GTF3C5: variants seen among roughly 807,000 people sequenced by gnomAD.
The protein encoded by GTF3C5 is general transcription factor 3C polypeptide 5.
GTF3C5 carries 47 observed loss-of-function variants against 61.0 expected under a neutral mutation model. That is an observed-to-expected ratio of 0.77 (90% CI 0.61 to 0.98). The LOEUF is 0.98. Among genes scored for constraint, GTF3C5 ranks in the 50% least tolerant of loss-of-function variants. GTF3C5 has a pLI of 0.00. For missense variants in GTF3C5, 659 were observed against 703.3 expected (o/e 0.94, Z 0.71); for synonymous variants, 295 against 275.4 (o/e 1.07, Z -0.71).
At chr9:133,055,113 A>G (rs1368253061) in intron 8 of GTF3C5, 18 of 1,549,870 alleles carry the variant, frequency 1.2e-5, no homozygotes, top group Non-Finnish European at 1.6e-5. Context: ...CCACTGAGCC[A>G]CGTGACCACT....
At chr9:133,056,276 A>G (rs1207455802) in intron 9 of GTF3C5, among the ~76,000 whole-genome samples, 182 bp downstream of exon 9, 3 of 152,176 alleles carry the variant, frequency 2.0e-5, no homozygotes, top group Non-Finnish European at 4.4e-5. Context: ...GCGGTGCCCT[A>G]TAGAAAGCCG....
chr9:133,054,945 TCAGC>T, intron 8 of GTF3C5, 136 bp downstream of exon 8: 1 of 1,550,694 alleles, frequency 6.4e-7, no homozygotes, highest in Non-Finnish European at 8.7e-7. Flanking sequence ...TCCTTTTAGG[TCAGC>T]CTTCAGACAC....
intron 3 of GTF3C5, among the ~76,000 whole-genome samples, chr9:133,047,565 A>G (rs904405907): frequency 3.3e-5 from 5 of 150,326 alleles, no homozygotes; most frequent in Admixed American, 2.7e-4. Context: ...CTTGTCACCC[A>G]GGCTGGAATG....
At chr9:133,048,429 G>A (rs763420498) in intron 3 of GTF3C5, among the ~76,000 whole-genome samples, 1 of 151,672 alleles carries the variant, frequency 6.6e-6, no homozygotes, top group Non-Finnish European at 1.5e-5. Context: ...CCCGCGAGGC[G>A]GAGCTTGCAG....
At chr9:133,055,631 G>A (rs1386424890) in intron 8 of GTF3C5, 10 of 985,442 alleles carry the variant, frequency 1.0e-5, no homozygotes, top group Non-Finnish European at 1.2e-5. Flanking sequence ...CAGCCCATAG[G>A]GGGACATAGG....
chr9:133,056,870 C>T lies in GTF3C5; in HGVS notation c.1355C>T (p.Ser452Phe), dbSNP rs1829954523. 1 of 1,609,328 alleles carries T rather than the reference C, an allele frequency of 6.2e-7. No homozygotes were observed. Among genetic ancestry groups the T allele is most frequent in the African/African-American group, 1.3e-5 (1 of 74,734 alleles). ...KTSDELRDTMSLMIRQTIRSK... is the reference protein window; with the variant it reads ...KTSDELRDTMFLMIRQTIRSK... ...AGCGACGAGCTCAGGGACACCATGT[C>T]CCTCATGATCCGGCAGACCATCCGC... Residue 452 changes from serine (S) to phenylalanine (F), a missense_variant, in exon 10 of 11, where the codon TCC (serine) becomes TTC (phenylalanine). By Grantham distance (155) the Ser-to-Phe change is radical (BLOSUM62 -2). Transcript: ENST00000372097.
intron 1 of GTF3C5, among the ~76,000 whole-genome samples, chr9:133,040,492 T>C (rs1340874878): frequency 1.3e-5 from 2 of 152,242 alleles, no homozygotes; most frequent in Non-Finnish European, 2.9e-5. Flanking sequence ...CTGTGCTTTA[T>C]AGATATTTAA....
intron 10 of GTF3C5, 129 bp downstream of exon 10, chr9:133,057,037 GGGA>G: frequency 2.3e-6 from 2 of 879,400 alleles, no homozygotes; most frequent in Non-Finnish European, 3.3e-6. Context: ...TGGCCCTGGT[GGGA>G]GGAGGACATT....
chr9:133,045,598 G>C (rs1043815584), intron 3 of GTF3C5, among the ~76,000 whole-genome samples: 3 of 152,156 alleles, frequency 2.0e-5, no homozygotes, highest in African/African-American at 7.2e-5. Context: ...AGGGGAGCAA[G>C]ATTACTGCCA....
rs369373507 is a variant in GTF3C5, at chr9:133,056,664, TTGA to T, written c.1251-100_1251-98del. ...GTAGACTTCGCTCACGGGGCTGCCTTTGATCTCAGTACAGCTCTGCCTCTGGCA... is the reference window on the plus strand; with the variant it reads ...GTAGACTTCGCTCACGGGGCTGCCTTTCTCAGTACAGCTCTGCCTCTGGCA... On this transcript the variant is annotated intron_variant, in intron 9 of 10. Coordinates refer to ENST00000372097, the MANE Select transcript of GTF3C5 (RefSeq NM_012087.4). 1,685 of 1,156,002 alleles carry T rather than the reference TTGA, an allele frequency of 1.5e-3. 21 individuals are homozygous for T. The South Asian group carries it at 0.017, about 12-fold the overall frequency. 71.6% of individuals were successfully genotyped at this position (1,156,002 alleles called of 1,614,324 possible). A position where few individuals can be genotyped will look rare whatever the true frequency, so the allele number is the denominator to read the frequency against.
chr9:133,056,742 TC>T, intron 9 of GTF3C5, 23 bp from the exon 10 acceptor site: 1 of 1,576,298 alleles, frequency 6.3e-7, no homozygotes, highest in Non-Finnish European at 8.6e-7. Context: ...GGACTTTATG[TC>T]CCAACCCTCT....
In GTF3C5 at chr9:133,056,100, T is replaced by A; in HGVS notation, c.1250+6T>A. On this transcript the variant is annotated splice_donor_region_variant and intron_variant, in intron 9 of 10. Coordinates refer to ENST00000372097, the MANE Select transcript of GTF3C5 (RefSeq NM_012087.4). ...TGCGACTTGAATGTGGAAGAGTACG[T>A]ATGGGAGGGGCCCTGAGACACTGAG... 1 of 1,612,852 alleles carries A rather than the reference T, an allele frequency of 6.2e-7. No homozygotes were observed. The highest frequency in any genetic ancestry group is 8.5e-7 in the Non-Finnish European group (1 of 1,179,012).
Position 133,051,775 on chromosome 9 carries a change from C to A in GTF3C5, c.769-285C>A, listed in dbSNP as rs534717261. 5.3e-5 allele frequency among the ~76,000 whole-genome samples: 8 copies of A among 152,348 alleles called. No homozygotes were observed. In the South Asian group the frequency reaches 1.7e-3, roughly 32 times the overall value. ...GTGCCCCCTGAGCCGTACTCCCCAC[C>A]GCGCTGTGGGCTCTATGAGGACAGC... On this transcript the variant is annotated intron_variant, in intron 4 of 10. Coordinates refer to ENST00000372097, the MANE Select transcript of GTF3C5 (RefSeq NM_012087.4).
At chr9:133,035,013 T>G (rs1165779331) in intron 1 of GTF3C5, among the ~76,000 whole-genome samples, 1 of 152,168 alleles carries the variant, frequency 6.6e-6, no homozygotes, top group Non-Finnish European at 1.5e-5. Flanking sequence ...TAAGTGACTC[T>G]TCAGAGTTTG....
rs183668839 is a variant in GTF3C5 at position 133,050,935 on chromosome 9, G to T, written c.725G>T (p.Cys242Phe). Residue 242 changes from cysteine (C) to phenylalanine (F), a missense_variant, in exon 4 of 11, where the codon TGC (cysteine) becomes TTC (phenylalanine). Cys to Phe is a radical substitution (Grantham distance 205). Transcript: ENST00000372097. ...EAAAQTWRRV[C>F]TNPVDRKVEE... ...GCAGCCCAGACGTGGAGGAGAGTCT[G>T]CACTAACCCCGTGGACCGGAAGGTG... 6.2e-7 allele frequency: 1 copy of T among 1,613,134 alleles called. No individual in the cohort carries two copies. Among genetic ancestry groups the T allele is most frequent in the Non-Finnish European group, 8.5e-7 (1 of 1,179,614 alleles).
chr9:133,055,223 C>T, intron 8 of GTF3C5: 5 of 1,510,576 alleles, frequency 3.3e-6, no homozygotes, highest in Non-Finnish European at 4.4e-6. Flanking sequence ...ACGTTTCCGT[C>T]AGTGCGGTTG....
rs753323854 is a variant in GTF3C5, at chr9:133,056,078, G to A, written c.1234G>A (p.Asp412Asn). The A allele has an allele frequency of 2.5e-6, 4 of 1,614,012 alleles. No individual in the cohort carries two copies. The highest frequency in any genetic ancestry group is 1.7e-5 in the Admixed American group (1 of 60,020). Reference sequence around the variant, plus strand: ...TCGGCAGATGTTCTACCAGTTATGCGACTTGAATGTGGAAGAGTACGTATG... The same window carrying A: ...TCGGCAGATGTTCTACCAGTTATGCAACTTGAATGTGGAAGAGTACGTATG... ...PYRQMFYQLC[D>N]LNVEELQKII... Residue 412 changes from aspartate to asparagine, a missense_variant, in exon 9 of 11, where the codon GAC becomes AAC. Coordinates refer to ENST00000372097, the MANE Select transcript of GTF3C5 (RefSeq NM_012087.4).
chr9:133,033,167 C>T (rs1325355904), intron 1 of GTF3C5, among the ~76,000 whole-genome samples: 1 of 152,128 alleles, frequency 6.6e-6, no homozygotes, highest in Admixed American at 6.5e-5. Context: ...TCAAATCCCG[C>T]AGCTATTTGA....
At chr9:133,041,700 G>A (rs982855305) in intron 1 of GTF3C5, among the ~76,000 whole-genome samples, 2 of 152,082 alleles carry the variant, frequency 1.3e-5, no homozygotes, top group Non-Finnish European at 2.9e-5. Context: ...TCTTTGTCTT[G>A]TGTCTTTATT....
Sources: allele counts gnomAD v4.1 joint callset (sites outside exome capture counted in the v4.1 genomes callset), GRCh38; gene constraint gnomAD v4.1.1; transcripts MANE v1.5; gene names NCBI Gene and HGNC (gene_info 2026-07-23, HGNC 2026-07-21).